Variants in OIT3 observed in about 807,000 individuals in gnomAD.
The protein encoded by OIT3 is oncoprotein induced transcript 3.
Under a neutral mutation model 52.2 loss-of-function variants are expected in OIT3, and 41 were observed. That is an observed-to-expected ratio of 0.79 (90% confidence interval 0.61 to 1.02). The LOEUF is 1.02. Among genes scored for constraint, OIT3 ranks in the 50% least tolerant of loss-of-function variants. The pLI is 0.00. For synonymous variants in OIT3, 244 were observed against 276.9 expected, an observed-to-expected ratio of 0.88 and a Z score of 1.18; for missense variants, 634 against 715.5, an observed-to-expected ratio of 0.89 and a Z score of 1.30.
intron 6 of OIT3, chr10:72,918,335 G>A (rs1024105394): frequency 1.6e-5 from 12 of 767,806 alleles, no homozygotes; most frequent in African/African-American, 1.2e-4. Context: ...GACTGCCTTC[G>A]TAATTCATTG....
At chr10:72,923,910 G>A (rs72812252) in intron 6 of OIT3, among the ~76,000 whole-genome samples, 2,869 of 151,924 alleles carry the variant, frequency 0.019, 38 homozygotes, top group Middle Eastern at 0.048. Flanking sequence ...TCAAAACTCT[G>A]TCTGCCAGAG....
intron 3 of OIT3, among the ~76,000 whole-genome samples, chr10:72,903,789 G>A (rs1255473676): frequency 1.3e-5 from 2 of 152,186 alleles, no homozygotes; most frequent in Middle Eastern, 3.4e-3. Flanking sequence ...CATAAGAATG[G>A]AACTGCTGGG....
At chr10:72,901,853 G>A (rs1419505847) in intron 3 of OIT3, among the ~76,000 whole-genome samples, 1 of 152,048 alleles carries the variant, frequency 6.6e-6, no homozygotes, top group Non-Finnish European at 1.5e-5. Context: ...ACTAGCTTGG[G>A]CAACATAGTG....
At chr10:72,901,709 G>T (rs1006396679) in intron 3 of OIT3, among the ~76,000 whole-genome samples, 1 of 152,198 alleles carries the variant, frequency 6.6e-6, no homozygotes, top group African/African-American at 2.4e-5. Flanking sequence ...GACATCCTGG[G>T]CCCAAGTAGC....
chr10:72,909,249 A>G (rs1846008703), intron 4 of OIT3, among the ~76,000 whole-genome samples: 1 of 151,240 alleles, frequency 6.6e-6, no homozygotes, highest in East Asian at 1.9e-4. Context: ...GCCTCTCAAG[A>G]AGCTGGGACT....
At chr10:72,911,200 G>T (rs1441157905) in intron 4 of OIT3, among the ~76,000 whole-genome samples, 1 of 152,156 alleles carries the variant, frequency 6.6e-6, no homozygotes, top group East Asian at 1.9e-4. Context: ...TTTATAGTGT[G>T]CTATCAGCCC....
intron 6 of OIT3, among the ~76,000 whole-genome samples, chr10:72,914,379 G>A (rs1485098024): frequency 6.6e-6 from 1 of 152,110 alleles, no homozygotes; most frequent in Non-Finnish European, 1.5e-5. Flanking sequence ...AGCAGAGGGG[G>A]CCTGCATCTG....
At chr10:72,930,514 A>G in intron 7 of OIT3, 24 bp from the exon 8 acceptor site, 1 of 1,523,692 alleles carries the variant, frequency 6.6e-7, no homozygotes. Flanking sequence ...ATCAAGTCTT[A>G]TGTGCTATCT....
intron 4 of OIT3, among the ~76,000 whole-genome samples, chr10:72,911,044 T>C (rs1174548195): frequency 2.6e-5 from 4 of 152,354 alleles, no homozygotes; most frequent in African/African-American, 9.6e-5. Flanking sequence ...TTCAATGGAA[T>C]ATTTTTCCTT....
chr10:72,931,260 G>C (rs1398817108), intron 8 of OIT3, among the ~76,000 whole-genome samples: 4 of 152,134 alleles, frequency 2.6e-5, no homozygotes, highest in Non-Finnish European at 1.5e-5. Flanking sequence ...CAAAACAGAG[G>C]CAGGAGAATT....
chr10:72,919,731 T>C (rs1846105841), intron 6 of OIT3, among the ~76,000 whole-genome samples: 1 of 152,202 alleles, frequency 6.6e-6, no homozygotes, highest in African/African-American at 2.4e-5. Flanking sequence ...TTTAGTTTTA[T>C]TTATGTGATG....
At chr10:72,914,411 G>A (rs537646975) in intron 6 of OIT3, among the ~76,000 whole-genome samples, 19 of 152,274 alleles carry the variant, frequency 1.2e-4, no homozygotes, top group African/African-American at 2.9e-4. Context: ...AGGCCTTTGC[G>A]ATCCTTTGGT....
intron 4 of OIT3, among the ~76,000 whole-genome samples, chr10:72,908,273 A>G (rs889674965): frequency 3.3e-5 from 5 of 151,932 alleles, no homozygotes; most frequent in African/African-American, 1.2e-4. Context: ...CTACTTTAAT[A>G]AGTCAGAGTT....
At position 72,932,447 on chromosome 10, in the gene OIT3, G is replaced by A. The variant is rs2132953737; in HGVS notation, c.1561G>A (p.Ala521Thr). The change falls in exon 9 of 9, where the codon GCA becomes ACA. Residue 521 changes from alanine to threonine, a missense_variant. Physicochemically the swap from Ala to Thr is moderately conservative, Grantham distance 58. Coordinates refer to ENST00000334011, the MANE Select transcript of OIT3 (RefSeq NM_152635.3). ...TTGCCACCGGCGAATGCGTCGTGGG[G>A]CAGGAGGAGAGGACTCAGCCGGTCT... ...QGCHRRMRRG[A>T]GGEDSAGLQG... 1 of 1,614,168 alleles carries A rather than the reference G, an allele frequency of 6.2e-7. No individual in the cohort carries two copies. The highest frequency in any genetic ancestry group is 1.1e-5 in the South Asian group (1 of 91,074).
At chr10:72,899,550 C>T (rs1448915698) in intron 2 of OIT3, among the ~76,000 whole-genome samples, 1 of 147,546 alleles carries the variant, frequency 6.8e-6, no homozygotes, top group South Asian at 2.1e-4. Flanking sequence ...AGGCGAAAAT[C>T]GTGCCATTGC....
At chr10:72,911,974 G>A (rs1196766028) in intron 5 of OIT3, 135 bp downstream of exon 5, 1 of 665,528 alleles carries the variant, frequency 1.5e-6, no homozygotes, top group African/African-American at 1.8e-5. Flanking sequence ...AGTGTGTATT[G>A]CTGAATCATC....
chr10:72,904,041 G>A (rs1034719679), intron 3 of OIT3, among the ~76,000 whole-genome samples: 8 of 152,092 alleles, frequency 5.3e-5, no homozygotes, highest in Non-Finnish European at 7.4e-5. Flanking sequence ...GTTAAAGATC[G>A]ACCCCTGACC....
At chr10:72,902,041 AAAAAC>A (rs565188014) in intron 3 of OIT3, among the ~76,000 whole-genome samples, 92 of 152,236 alleles carry the variant, frequency 6.0e-4, no homozygotes, top group African/African-American at 2.1e-3. Context: ...CCTGTCTCTG[AAAAAC>A]AAAACAAAAC....
intron 1 of OIT3, among the ~76,000 whole-genome samples, chr10:72,896,886 G>A (rs1308661394): frequency 6.6e-6 from 1 of 152,106 alleles, no homozygotes; most frequent in East Asian, 1.9e-4. Context: ...GAATTTCTTG[G>A]TTTCATAGAT....
Sources: allele counts gnomAD v4.1 joint callset (sites outside exome capture counted in the v4.1 genomes callset), GRCh38; gene constraint gnomAD v4.1.1; transcripts MANE v1.5; gene names NCBI Gene and HGNC (gene_info 2026-07-23, HGNC 2026-07-21).